Variants in SPATA6L observed in about 807,000 individuals in gnomAD.
The protein encoded by SPATA6L is spermatogenesis associated 6-like protein.
SPATA6L carries 68 observed loss-of-function variants against 49.2 expected under a neutral mutation model. That is an observed-to-expected ratio of 1.38 (90% CI 1.14 to 1.69). The LOEUF (loss-of-function observed/expected upper bound fraction) is 1.69. SPATA6L is among the 40% of genes most tolerant of loss of function. SPATA6L has a pLI of 0.00. For synonymous variants in SPATA6L, 198 were observed against 165.7 expected (o/e 1.19, Z -1.50); for missense variants, 668 against 464.3 (o/e 1.44, Z -4.03).
At chr9:4,626,688 G>A in intron 5 of SPATA6L, 1 of 730,300 alleles carries the variant, frequency 1.4e-6, no homozygotes, top group Non-Finnish European at 1.9e-6. Context: ...CAAGTTTGGT[G>A]TGGTTTCCTG....
chr9:4,619,089 G>T (rs959350612), intron 7 of SPATA6L, among the ~76,000 whole-genome samples, 191 bp from the exon 8 acceptor site: 1 of 151,534 alleles, frequency 6.6e-6, no homozygotes, highest in African/African-American at 2.4e-5. Flanking sequence ...TCTCCGGGTT[G>T]TGGGGGTTTT....
In SPATA6L at chr9:4,629,299, T is replaced by C. The variant is rs186490640; in HGVS notation, c.352-131A>G. 4.0e-4 allele frequency: 234 copies of C among 584,838 alleles called. 1 individual carries two copies. The Admixed American group carries it at 7.4e-3, about 18-fold the overall frequency. 36.2% of individuals were successfully genotyped at this position (584,838 alleles called of 1,614,324 possible). On this transcript the variant is annotated intron_variant, in intron 4 of 11. Coordinates refer to ENST00000682582, the MANE Select transcript of SPATA6L (RefSeq NM_001353486.2). ...CATAATCCACACACATTATCTAAAATATATATGTAATAAGAATAGCTAAAC... is the reference window on the plus strand; with the variant it reads ...CATAATCCACACACATTATCTAAAACATATATGTAATAAGAATAGCTAAAC...
chr9:4,605,433 G>T lies in SPATA6L; in HGVS notation c.1003C>A (p.Pro335Thr). The change falls in exon 10 of 12, where the codon CCT becomes ACT. Residue 335 changes from proline (P) to threonine (T), a missense_variant. By Grantham distance (38) the Pro-to-Thr change is conservative (BLOSUM62 -1). Transcript: ENST00000682582. ...TTCTTCCATGTGGACTGAGAACCAGGATGGAACCTGCTCAACAGATGGAAC... is the reference window on the plus strand; with the variant it reads ...TTCTTCCATGTGGACTGAGAACCAGTATGGAACCTGCTCAACAGATGGAAC... ...DQPLLRERFH[P>T]GSQSTWKNIH... 2 of 1,613,412 alleles carry T rather than the reference G, an allele frequency of 1.2e-6. No individual in the cohort carries two copies. The highest frequency in any genetic ancestry group is 1.7e-6 in the Non-Finnish European group (2 of 1,179,380).
At position 4,598,514 on chromosome 9, in the gene SPATA6L, A is replaced by T. The variant is rs1188326772; in HGVS notation, c.*2297T>A. On this transcript the variant is annotated 3_prime_UTR_variant, in exon 12 of 12. Transcript: ENST00000682582. ...TAATAATAATTTAAGGAATAGAGTT[A>T]ATAGATGCAAAAGTAAAGGGAAAAA... is the stretch of plus-strand genomic sequence containing the variant. Among the ~76,000 whole-genome samples the T allele has an allele frequency of 6.6e-6, 1 of 152,244 alleles. No individual in the cohort carries two copies. The highest frequency in any genetic ancestry group is 2.4e-5 in the African/African-American group (1 of 41,466).
intron 9 of SPATA6L, among the ~76,000 whole-genome samples, chr9:4,610,175 T>C (rs1260836888): frequency 6.6e-6 from 1 of 151,970 alleles, no homozygotes; most frequent in Non-Finnish European, 1.5e-5. Context: ...GAACATTCCA[T>C]GCTCATGGGT....
At chr9:4,665,961 T>A (rs1840792512) in intron 1 of SPATA6L, among the ~76,000 whole-genome samples, 3 of 151,492 alleles carry the variant, frequency 2.0e-5, no homozygotes. Context: ...AATTAAAAAT[T>A]CATGATAAAG....
Position 4,662,630 on chromosome 9 carries a change from G to A in SPATA6L, c.40-594C>T. On this transcript the variant is annotated intron_variant, in intron 1 of 11. Transcript: ENST00000682582. The surrounding 1 kb of genome is among the most constrained non-coding windows in gnomAD (Gnocchi z 4.9). ...GCCCCTCGCAGTCGCCCGCGCCTCC[G>A]CTGCCCGAGGAGGACCGCATGGACT... 6.3e-7 allele frequency: 1 copy of A among 1,597,052 alleles called. No individual in the cohort carries two copies. The highest frequency in any genetic ancestry group is 1.1e-5 in the South Asian group (1 of 90,902).
At chr9:4,658,425 C>A (rs962678705) in intron 2 of SPATA6L, among the ~76,000 whole-genome samples, 3 of 152,144 alleles carry the variant, frequency 2.0e-5, no homozygotes, top group South Asian at 4.1e-4. Context: ...GAAACAGATA[C>A]AAGGAAGCTA....
chr9:4,661,413 G>A (rs977966123), intron 2 of SPATA6L, among the ~76,000 whole-genome samples: 1 of 152,172 alleles, frequency 6.6e-6, no homozygotes, highest in Non-Finnish European at 1.5e-5. Context: ...CTTTATCACT[G>A]TAGCTAAATA....
chr9:4,661,843 T>C (rs957747966), intron 2 of SPATA6L, 56 bp downstream of exon 2: 2 of 1,584,450 alleles, frequency 1.3e-6, no homozygotes, highest in African/African-American at 2.7e-5. Flanking sequence ...CTGTTCTTTA[T>C]AAGAACTCTC....
rs772709851 is a variant in SPATA6L at position 4,598,489 on chromosome 9, T to C, written c.*2322A>G. On this transcript the variant is annotated 3_prime_UTR_variant, in exon 12 of 12. Transcript: ENST00000682582. ...ACTCCTTGAGAAACAAAAGTAAAAA[T>C]AATAATAATTTAAGGAATAGAGTTA... is the stretch of plus-strand genomic sequence containing the variant. Among the ~76,000 whole-genome samples the C allele has an allele frequency of 2.6e-5, 4 of 151,480 alleles. No homozygotes were observed. The highest frequency in any genetic ancestry group is 5.9e-5 in the Non-Finnish European group (4 of 67,834).
In SPATA6L at chr9:4,662,934, G is replaced by A. The variant is rs144108897; in HGVS notation, c.40-898C>T. 109 of 1,611,066 alleles carry A rather than the reference G, an allele frequency of 6.8e-5. No individual in the cohort carries two copies. Among genetic ancestry groups the A allele is most frequent in the Non-Finnish European group, 8.9e-5 (105 of 1,179,954 alleles). ...GCTGGTGGCCTTGATCAAAGGGCTGGTCCGCAGGCGCCGCCCGGCCCACAA... is the reference window on the plus strand; with the variant it reads ...GCTGGTGGCCTTGATCAAAGGGCTGATCCGCAGGCGCCGCCCGGCCCACAA... On this transcript the variant is annotated intron_variant, in intron 1 of 11. Transcript: ENST00000682582. This position sits in a 1 kb window ranked among gnomAD's most constrained non-coding sequence, Gnocchi z 4.9.
At chr9:4,637,753 G>A (rs1197491605) in intron 3 of SPATA6L, among the ~76,000 whole-genome samples, 1 of 152,114 alleles carries the variant, frequency 6.6e-6, no homozygotes, top group Non-Finnish European at 1.5e-5. Flanking sequence ...GGACATAATG[G>A]GGACCTGACA....
intron 3 of SPATA6L, among the ~76,000 whole-genome samples, chr9:4,648,813 A>G (rs528026072): frequency 1.3e-5 from 2 of 152,256 alleles, no homozygotes; most frequent in African/African-American, 4.8e-5. Context: ...GTAGTCTTTT[A>G]TCCCTCACTC....
chr9:4,629,192 A>C, intron 4 of SPATA6L, 24 bp from the exon 5 acceptor site: 1 of 1,520,140 alleles, frequency 6.6e-7, no homozygotes, highest in East Asian at 2.3e-5. Flanking sequence ...TAAAAAAAGC[A>C]AATAAAATTA....
intron 2 of SPATA6L, among the ~76,000 whole-genome samples, chr9:4,658,832 A>G (rs1450755086): frequency 6.6e-6 from 1 of 151,934 alleles, no homozygotes; most frequent in Non-Finnish European, 1.5e-5. Context: ...TCTCTACTAA[A>G]ACTACAAAAA....
intron 3 of SPATA6L, among the ~76,000 whole-genome samples, chr9:4,648,737 C>G (rs1836086266): frequency 1.9e-5 from 2 of 104,022 alleles, no homozygotes; most frequent in African/African-American, 8.3e-5. Context: ...TACATAAGTT[C>G]TTTAGTGGTG....
chr9:4,662,662 C>A lies in SPATA6L; in HGVS notation c.40-626G>T, dbSNP rs1161876100. On this transcript the variant is annotated intron_variant, in intron 1 of 11. Coordinates refer to ENST00000682582, the MANE Select transcript of SPATA6L (RefSeq NM_001353486.2). The surrounding 1 kb of genome is among the most constrained non-coding windows in gnomAD (Gnocchi z 4.9). ...GAGGAGGACCGCATGGACTTGAACC[C>A]GTCCTTCCTGGGCATCGCCCTGCGC... is the stretch of plus-strand genomic sequence containing the variant. The A allele has an allele frequency of 6.3e-7, 1 of 1,599,920 alleles. No individual in the cohort carries two copies. Among genetic ancestry groups the A allele is most frequent in the Non-Finnish European group, 8.5e-7 (1 of 1,179,848 alleles).
intron 5 of SPATA6L, chr9:4,627,788 C>T (rs1005609955): frequency 1.6e-6 from 2 of 1,289,230 alleles, no homozygotes; most frequent in African/African-American, 3.0e-5. Flanking sequence ...GAGCATCAGC[C>T]TCAGCAAAAG....
Sources: gnomAD v4.1 joint callset for allele counts (sites outside exome capture counted in the v4.1 genomes callset) on GRCh38, gnomAD v4.1.1 for gene constraint, Gnocchi (gnomAD v3.1) non-coding constraint, MANE v1.5 for transcripts, NCBI Gene and HGNC (gene_info 2026-07-23, HGNC 2026-07-21) for gene names.